The following NCKAP5 variants were observed in gnomAD, a reference collection of about 807,000 sequenced individuals.
The protein encoded by NCKAP5 is NCK associated protein 5.
Under a neutral mutation model 167.0 loss-of-function variants are expected in NCKAP5, and 92 were observed. The observed-to-expected ratio is 0.55, with a 90% CI of 0.47 to 0.66. The LOEUF (loss-of-function observed/expected upper bound fraction) is 0.66, where lower values mean the gene tolerates loss of function less well. Among genes scored for constraint, NCKAP5 ranks in the 30% least tolerant of loss-of-function variants. The pLI, the probability that NCKAP5 is intolerant of heterozygous loss-of-function variation, is 0.00. For synonymous variants in NCKAP5, 891 were observed against 877.4 expected, an observed-to-expected ratio of 1.02 and a Z score of -0.27; for missense variants, 2,378 against 2,315.0, an observed-to-expected ratio of 1.03 and a Z score of -0.56.
intron 7 of NCKAP5, among the ~76,000 whole-genome samples, chr2:132,976,335 C>T (rs1207619686): frequency 6.6e-6 from 1 of 152,052 alleles, no homozygotes; most frequent in East Asian, 1.9e-4. Flanking sequence ...GAGGCCAAGG[C>T]GGGTGGATCA....
At position 133,371,851 on chromosome 2, in the gene NCKAP5, G is replaced by A. The variant is rs550858538; in HGVS notation, c.70-68741C>T. ...GGGCTTCCTCTTCAAATTACTTGTC[G>A]CCATCCCAACCCTGTTTATTTTCTT... is the stretch of plus-strand genomic sequence containing the variant. On this transcript the variant is annotated intron_variant, in intron 3 of 19. Transcript: ENST00000409261. Among the ~76,000 whole-genome samples the A allele has an allele frequency of 9.2e-5, 14 of 151,886 alleles. 1 individual carries two copies. The South Asian group carries it at 1.5e-3, about 16-fold the overall frequency.
intron 7 of NCKAP5, among the ~76,000 whole-genome samples, chr2:132,992,592 G>T (rs559551696): frequency 8.3e-4 from 126 of 152,192 alleles, no homozygotes; most frequent in Non-Finnish European, 1.6e-3. Flanking sequence ...ATTCAATGCA[G>T]AATCGAGTCG....
At chr2:133,543,646 A>G (rs1686413613) in intron 2 of NCKAP5, among the ~76,000 whole-genome samples, 1 of 152,210 alleles carries the variant, frequency 6.6e-6, no homozygotes, top group East Asian at 1.9e-4. Context: ...GGCTTTCTCC[A>G]TCTTTATTTC....
intron 11 of NCKAP5, among the ~76,000 whole-genome samples, chr2:132,842,393 C>T (rs1255991298): frequency 6.6e-6 from 1 of 152,016 alleles, no homozygotes; most frequent in Non-Finnish European, 1.5e-5. Flanking sequence ...TATATATACA[C>T]ACACATATAA....
chr2:133,438,228 T>G (rs1690617498), intron 3 of NCKAP5, among the ~76,000 whole-genome samples: 1 of 152,236 alleles, frequency 6.6e-6, no homozygotes. Context: ...TCTGGCAGCA[T>G]GGCATACAAA....
At chr2:133,329,934 T>TAC (rs1470819704) in intron 3 of NCKAP5, among the ~76,000 whole-genome samples, 1 of 151,796 alleles carries the variant, frequency 6.6e-6, no homozygotes, top group Non-Finnish European at 1.5e-5. Context: ...TCTCCAGATA[T>TAC]ACCCCTGAAC....
intron 7 of NCKAP5, among the ~76,000 whole-genome samples, chr2:132,971,014 C>T (rs76911606): frequency 3.4e-3 from 525 of 152,336 alleles, no homozygotes; most frequent in Non-Finnish European, 5.5e-3. Flanking sequence ...ATTAATCAAG[C>T]TATTCAATTA....
At chr2:133,053,237 T>C (rs1021867089) in intron 6 of NCKAP5, among the ~76,000 whole-genome samples, 4 of 152,162 alleles carry the variant, frequency 2.6e-5, no homozygotes, top group Non-Finnish European at 5.9e-5. Flanking sequence ...ATTCCTCCAA[T>C]AGCTTTAGTT....
intron 3 of NCKAP5, among the ~76,000 whole-genome samples, chr2:133,375,603 C>T (rs1410091148): frequency 6.6e-6 from 1 of 152,166 alleles, no homozygotes. Flanking sequence ...CACCCTCTGC[C>T]CTCTGGTAGG....
chr2:133,389,579 G>T (rs563112299), intron 3 of NCKAP5, among the ~76,000 whole-genome samples: 10 of 152,354 alleles, frequency 6.6e-5, no homozygotes, highest in African/African-American at 2.2e-4. Flanking sequence ...CTATATCATA[G>T]TCTTGAAGCA....
rs529875697 is a variant in NCKAP5 at position 133,290,477 on chromosome 2, C to T, written c.143+12560G>A. 3.3e-5 allele frequency among the ~76,000 whole-genome samples: 5 copies of T among 152,284 alleles called. No homozygotes were observed. The South Asian group carries it at 1.0e-3, about 32-fold the overall frequency. On this transcript the variant is annotated intron_variant, in intron 4 of 19. Coordinates refer to ENST00000409261, the MANE Select transcript of NCKAP5 (RefSeq NM_207363.3). The stretch of plus-strand genomic sequence containing the variant: ...CTACTGGTTAGAGCCTTCACTATGA[C>T]ATGCAGTGACATGCTCACAGAAATG...
chr2:133,343,073 T>G (rs1683705838), intron 3 of NCKAP5, among the ~76,000 whole-genome samples: 1 of 152,150 alleles, frequency 6.6e-6, no homozygotes, highest in Admixed American at 6.5e-5. Context: ...ACACAAATCC[T>G]CCAAGGCAAT....
In NCKAP5 at chr2:133,250,705, AGGAG is replaced by A. The variant is rs562379803; in HGVS notation, c.144-36930_144-36927del. Among the ~76,000 whole-genome samples, 247 of 152,326 alleles carry A rather than the reference AGGAG, an allele frequency of 1.6e-3. 1 individual carries two copies. The highest frequency in any genetic ancestry group is 5.0e-3 in the Admixed American group (76 of 15,304). ...GTAACCCGGACACTTTGGGGAGCCA[AGGAG>A]GGAGGATCACTTGAGGCCAGGAGCT... On this transcript the variant is annotated intron_variant, in intron 4 of 19. Coordinates refer to ENST00000409261, the MANE Select transcript of NCKAP5 (RefSeq NM_207363.3).
intron 16 of NCKAP5, among the ~76,000 whole-genome samples, chr2:132,773,471 A>C (rs968380050): frequency 1.3e-5 from 2 of 152,236 alleles, no homozygotes; most frequent in Non-Finnish European, 2.9e-5. Context: ...TTTATAAAAT[A>C]TTTCATTTAA....
intron 16 of NCKAP5, among the ~76,000 whole-genome samples, chr2:132,749,840 CTG>C (rs1679962384): frequency 6.6e-6 from 1 of 152,166 alleles, no homozygotes; most frequent in African/African-American, 2.4e-5. Flanking sequence ...TGGCAGATGA[CTG>C]TGACTTCAGT....
chr2:133,513,567 G>T (rs1247696996), intron 3 of NCKAP5, among the ~76,000 whole-genome samples: 3 of 152,220 alleles, frequency 2.0e-5, no homozygotes, highest in Non-Finnish European at 2.9e-5. Context: ...AATAGTGCTT[G>T]TTGACTGATT....
At chr2:133,606,759 A>AG in the NCKAP5 span, among the ~76,000 whole-genome samples, 1 of 151,126 alleles carries the variant, frequency 6.6e-6, no homozygotes, top group African/African-American at 2.5e-5. Context: ...AAAAAAAAAA[A>AG]AAAGGTTTTA....
intron 4 of NCKAP5, among the ~76,000 whole-genome samples, chr2:133,276,388 G>C (rs759581275): frequency 6.6e-6 from 1 of 152,128 alleles, no homozygotes; most frequent in East Asian, 1.9e-4. Flanking sequence ...AATTATACAA[G>C]ATAGGAAATG....
intron 19 of NCKAP5, among the ~76,000 whole-genome samples, chr2:132,704,740 T>C (rs1688194750): frequency 6.6e-6 from 1 of 152,194 alleles, no homozygotes; most frequent in Non-Finnish European, 1.5e-5. Flanking sequence ...TTAAACACCC[T>C]TAACTCCACT....
Sources: gnomAD v4.1 joint callset for allele counts (sites outside exome capture counted in the v4.1 genomes callset) on GRCh38, gnomAD v4.1.1 for gene constraint, MANE v1.5 for transcripts, NCBI Gene and HGNC (gene_info 2026-07-23, HGNC 2026-07-21) for gene names.